Variants in NOPCHAP1 observed in about 807,000 individuals in gnomAD.
NOPCHAP1 encodes the protein NOP protein chaperone 1, also known as DNA damage-sensitive RNA 1.
In NOPCHAP1, 13 loss-of-function variants were observed where a neutral mutation model predicts 14.0. The observed-to-expected ratio is 0.93, with a 90% CI of 0.60 to 1.47. The LOEUF (loss-of-function observed/expected upper bound fraction) is 1.47. NOPCHAP1 is among the 40% of genes most tolerant of loss of function. The pLI, the probability that NOPCHAP1 is intolerant of heterozygous loss-of-function variation, is 0.00. For synonymous variants in NOPCHAP1, 78 were observed against 78.4 expected, an observed-to-expected ratio of 1.00 and a Z score of 0.03; for missense variants, 230 against 226.9, an observed-to-expected ratio of 1.01 and a Z score of -0.09.
At position 105,016,672 on chromosome 12, in the gene NOPCHAP1, A is replaced by T. The variant is rs1240921817; in HGVS notation, c.*21976A>T. ...ATCAGACCTGGTGAGACTTATTCAC[A>T]TGAGAACAGCATAGGAAAGACCCGC... On this transcript the variant is annotated 3_prime_UTR_variant, in exon 4 of 4. Transcript: ENST00000552951. 6.6e-6 allele frequency: 1 copy of T among 152,170 alleles called. No homozygotes were observed. 9.4% of individuals were successfully genotyped at this position (152,170 alleles called of 1,614,324 possible). A position where few individuals can be genotyped will look rare whatever the true frequency, so the allele number is the denominator to read the frequency against.
rs1446940416 is a variant in NOPCHAP1, at chr12:104,997,184, A to G, written c.*2488A>G. The stretch of plus-strand genomic sequence containing the variant: ...TGTGTGGTTGCTTTATAGTGTTACT[A>G]ATCTACCTACTTAAGTGTGTTTTTG... On this transcript the variant is annotated 3_prime_UTR_variant, in exon 4 of 4. Coordinates refer to ENST00000552951, the MANE Select transcript of NOPCHAP1 (RefSeq NM_152318.3). 6.6e-6 allele frequency: 1 copy of G among 152,214 alleles called. No individual in the cohort carries two copies. Among genetic ancestry groups the G allele is most frequent in the African/African-American group, 2.4e-5 (1 of 41,456 alleles). 9.4% of individuals were successfully genotyped at this position (152,214 alleles called of 1,614,324 possible).
Position 104,991,757 on chromosome 12 carries a change from A to G in NOPCHAP1, c.248A>G (p.Asn83Ser), listed in dbSNP as rs145611751. Residue 83 changes from asparagine (N) to serine (S), a missense_variant, in exon 3 of 4, where the codon AAT (asparagine) becomes AGT (serine). Physicochemically the swap from Asn to Ser is conservative, Grantham distance 46 (BLOSUM62 1). Transcript: ENST00000552951. ...TTTCTCCCACAGATGGCACGGGCAA[A>G]TGAAAAGCTAAGAAAAGAAATGGCA... The part of the protein sequence containing the change: ...QTFLPQMARA[N>S]EKLRKEMAAA... The G allele has an allele frequency of 2.0e-4, 316 of 1,613,916 alleles. No individual in the cohort carries two copies. In the East Asian group the frequency reaches 5.5e-3, roughly 28 times the overall value.
In NOPCHAP1 at chr12:105,008,313, C is replaced by T. The variant is rs11495192; in HGVS notation, c.*13617C>T. On this transcript the variant is annotated 3_prime_UTR_variant, in exon 4 of 4. Coordinates refer to ENST00000552951, the MANE Select transcript of NOPCHAP1 (RefSeq NM_152318.3). ...TTGAGAAGTGTCTGTTCGTATCCTT[C>T]GCCCACTTTTTGATGGGGTTGTTTT... 0.063 allele frequency: 9,539 copies of T among 152,202 alleles called. 397 individuals are homozygous for T. Among genetic ancestry groups the T allele is most frequent in the Middle Eastern group, 0.13 (38 of 294 alleles). 9.4% of individuals were successfully genotyped at this position (152,202 alleles called of 1,614,324 possible).
rs776014941 is a variant in NOPCHAP1, at chr12:105,015,367, T to C, written c.*20671T>C. On this transcript the variant is annotated 3_prime_UTR_variant, in exon 4 of 4. Transcript: ENST00000552951. ...GCATGGAATAATGATAATAAATGGA[T>C]TAAATGGATGCATGAAGGTATACAG... 6.6e-6 allele frequency: 1 copy of C among 152,176 alleles called. No individual in the cohort carries two copies. The highest frequency in any genetic ancestry group is 1.5e-5 in the Non-Finnish European group (1 of 68,034). 9.4% of individuals were successfully genotyped at this position (152,176 alleles called of 1,614,324 possible).
chr12:104,986,490 A>T, intron 1 of NOPCHAP1, 23 bp downstream of exon 1: 1 of 1,573,370 alleles, frequency 6.4e-7, no homozygotes, highest in Non-Finnish European at 8.6e-7. Context: ...TGACGGCGGC[A>T]TGGGCCGCAC....
At position 104,994,853 on chromosome 12, in the gene NOPCHAP1, A is replaced by G. The variant is rs554325188; in HGVS notation, c.*157A>G. On this transcript the variant is annotated 3_prime_UTR_variant, in exon 4 of 4. Coordinates refer to ENST00000552951, the MANE Select transcript of NOPCHAP1 (RefSeq NM_152318.3). ...AAATTTGACAGAGTTTCTTTGGGCA[A>G]AGAATGATTAATGAGTTAGGTAGCA... 4 of 662,828 alleles carry G rather than the reference A, an allele frequency of 6.0e-6. No homozygotes were observed. In the African/African-American group the frequency reaches 7.3e-5, roughly 12 times the overall value. 41.1% of individuals were successfully genotyped at this position (662,828 alleles called of 1,614,324 possible).
Position 105,002,973 on chromosome 12 carries a change from A to G in NOPCHAP1, c.*8277A>G, listed in dbSNP as rs1366359382. The G allele has an allele frequency of 6.6e-6, 1 of 152,234 alleles. No individual in the cohort carries two copies. Among genetic ancestry groups the G allele is most frequent in the Non-Finnish European group, 1.5e-5 (1 of 68,044 alleles). 9.4% of individuals were successfully genotyped at this position (152,234 alleles called of 1,614,324 possible). ...GAAAGAGTAGTTGAGCAAAAAGGTT[A>G]TTAGACTCAGAGTATTGAGGTAAAG... On this transcript the variant is annotated 3_prime_UTR_variant, in exon 4 of 4. Transcript: ENST00000552951.
In NOPCHAP1 at chr12:105,016,678, A is replaced by G. The variant is rs576771165; in HGVS notation, c.*21982A>G. 6.6e-6 allele frequency: 1 copy of G among 152,298 alleles called. No individual in the cohort carries two copies. Among genetic ancestry groups the G allele is most frequent in the African/African-American group, 2.4e-5 (1 of 41,558 alleles). The allele number at this position is 152,298 out of a possible 1,614,324, so 9.4% of individuals were successfully genotyped here. A position where few individuals can be genotyped will look rare whatever the true frequency, so the allele number is the denominator to read the frequency against. ...CCTGGTGAGACTTATTCACATGAGA[A>G]CAGCATAGGAAAGACCCGCCCCGAT... On this transcript the variant is annotated 3_prime_UTR_variant, in exon 4 of 4. Transcript: ENST00000552951.
At position 104,991,745 on chromosome 12, in the gene NOPCHAP1, T is replaced by C. The variant is rs773217138; in HGVS notation, c.236T>C (p.Met79Thr). ...CAGGTACAGACATTTCTCCCACAGA[T>C]GGCACGGGCAAATGAAAAGCTAAGA... ...LDQVQTFLPQ[M>T]ARANEKLRKE... The change falls in exon 3 of 4, where the codon ATG becomes ACG. Residue 79 changes from methionine to threonine, a missense_variant. Physicochemically the swap from Met to Thr is moderately conservative, Grantham distance 81. Coordinates refer to ENST00000552951, the MANE Select transcript of NOPCHAP1 (RefSeq NM_152318.3). 3.1e-5 allele frequency: 50 copies of C among 1,613,610 alleles called. No homozygotes were observed. Among genetic ancestry groups the C allele is most frequent in the Admixed American group, 1.7e-4 (10 of 59,848 alleles).
chr12:105,010,209 A>G lies in NOPCHAP1; in HGVS notation c.*15513A>G, dbSNP rs1411021130. ...TAATCTTGGGAGAGTGTATGTGTCC[A>G]GGAATTTATCCATTTCTTCTAGATT... On this transcript the variant is annotated 3_prime_UTR_variant, in exon 4 of 4. Transcript: ENST00000552951. The G allele has an allele frequency of 1.3e-5, 2 of 152,208 alleles. No homozygotes were observed. 9.4% of individuals were successfully genotyped at this position (152,208 alleles called of 1,614,324 possible).
rs151164473 is a variant in NOPCHAP1 at position 105,013,251 on chromosome 12, G to C, written c.*18555G>C. 115 of 152,358 alleles carry C rather than the reference G, an allele frequency of 7.5e-4. 2 individuals are homozygous for C. In the East Asian group the frequency reaches 0.021, roughly 28 times the overall value. The allele number at this position is 152,358 out of a possible 1,614,324, so 9.4% of individuals were successfully genotyped here. ...CACTGTGGTGGGCTCTGCCCAATTT[G>C]AATTTCCCTGTGGCTTTATTTACAC... is the stretch of plus-strand genomic sequence containing the variant. On this transcript the variant is annotated 3_prime_UTR_variant, in exon 4 of 4. Transcript: ENST00000552951.
Position 104,999,973 on chromosome 12 carries a change from T to A in NOPCHAP1, c.*5277T>A, listed in dbSNP as rs1227443346. 6.6e-6 allele frequency: 1 copy of A among 152,230 alleles called. No individual in the cohort carries two copies. The highest frequency in any genetic ancestry group is 1.9e-4 in the East Asian group (1 of 5,200). The allele number at this position is 152,230 out of a possible 1,614,324, so 9.4% of individuals were successfully genotyped here. ...CACCAGTCTTCCTGATATCCCAGTC[T>A]CTTGGTGGCAGATGTTCCTTCTGGC... On this transcript the variant is annotated 3_prime_UTR_variant, in exon 4 of 4. Transcript: ENST00000552951.
intron 2 of NOPCHAP1, among the ~76,000 whole-genome samples, chr12:104,988,490 G>A (rs1433413444): frequency 6.6e-6 from 1 of 152,184 alleles, no homozygotes; most frequent in African/African-American, 2.4e-5. Context: ...ATTTTGGGAA[G>A]TCAAAAACAA....
At position 105,015,993 on chromosome 12, in the gene NOPCHAP1, T is replaced by G. The variant is rs943235461; in HGVS notation, c.*21297T>G. The stretch of plus-strand genomic sequence containing the variant: ...GTAAAATAGTCAAGAAAGGTTTTTT[T>G]TTTTTTTTTTAAAAAGCATAACATC... On this transcript the variant is annotated 3_prime_UTR_variant, in exon 4 of 4. Coordinates refer to ENST00000552951, the MANE Select transcript of NOPCHAP1 (RefSeq NM_152318.3). 1.0e-4 allele frequency: 15 copies of G among 143,152 alleles called. No homozygotes were observed. The highest frequency in any genetic ancestry group is 1.9e-4 in the Non-Finnish European group (12 of 64,552). 8.9% of individuals were successfully genotyped at this position (143,152 alleles called of 1,614,324 possible).
rs1860726008 is a variant in NOPCHAP1 at position 104,995,324 on chromosome 12, T to G, written c.*628T>G. ...CATGTGTTCTGTTCCCTTGAGAAAT[T>G]TCTTTCATGCATATGGTGGCAGTGT... On this transcript the variant is annotated 3_prime_UTR_variant, in exon 4 of 4. Transcript: ENST00000552951. The G allele has an allele frequency of 6.6e-6, 1 of 152,322 alleles. No individual in the cohort carries two copies. The highest frequency in any genetic ancestry group is 1.5e-5 in the Non-Finnish European group (1 of 68,124). The allele number at this position is 152,322 out of a possible 1,614,324, so 9.4% of individuals were successfully genotyped here. A position where few individuals can be genotyped will look rare whatever the true frequency, so the allele number is the denominator to read the frequency against.
chr12:104,988,088 C>A (rs911243247), intron 1 of NOPCHAP1, 79 bp from the exon 2 acceptor site: 2 of 1,137,986 alleles, frequency 1.8e-6, no homozygotes, highest in South Asian at 2.7e-5. Context: ...TAAGACTGGT[C>A]ATGTGAGAGG....
rs1334318796 is a variant in NOPCHAP1, at chr12:105,007,627, G to C, written c.*12931G>C. 1 of 152,192 alleles carries C rather than the reference G, an allele frequency of 6.6e-6. No homozygotes were observed. Among genetic ancestry groups the C allele is most frequent in the Non-Finnish European group, 1.5e-5 (1 of 68,054 alleles). The allele number at this position is 152,192 out of a possible 1,614,324, so 9.4% of individuals were successfully genotyped here. A position where few individuals can be genotyped will look rare whatever the true frequency, so the allele number is the denominator to read the frequency against. Reference sequence around the variant, plus strand: ...CGCCATCAACTTGTCGTCTACATTAGGTATTCCTCCTAATACTATCCCTCC... The same window carrying C: ...CGCCATCAACTTGTCGTCTACATTACGTATTCCTCCTAATACTATCCCTCC... On this transcript the variant is annotated 3_prime_UTR_variant, in exon 4 of 4. Transcript: ENST00000552951.
At position 105,014,762 on chromosome 12, in the gene NOPCHAP1, A is replaced by C. The variant is rs1873912478; in HGVS notation, c.*20066A>C. ...AACCTATCAAATGTAGAAAATAGGG[A>C]CATCACAGCAAAATTTGGAGGGCAT... On this transcript the variant is annotated 3_prime_UTR_variant, in exon 4 of 4. Coordinates refer to ENST00000552951, the MANE Select transcript of NOPCHAP1 (RefSeq NM_152318.3). 1 of 152,134 alleles carries C rather than the reference A, an allele frequency of 6.6e-6. No homozygotes were observed. The highest frequency in any genetic ancestry group is 2.4e-5 in the African/African-American group (1 of 41,430). The allele number at this position is 152,134 out of a possible 1,614,324, so 9.4% of individuals were successfully genotyped here. A position where few individuals can be genotyped will look rare whatever the true frequency, so the allele number is the denominator to read the frequency against.
At chr12:104,991,606 A>G in intron 2 of NOPCHAP1, 106 bp from the exon 3 acceptor site, 1 of 1,175,764 alleles carries the variant, frequency 8.5e-7, no homozygotes, top group Non-Finnish European at 1.2e-6. Flanking sequence ...AAGATATGTA[A>G]TTATGGTTGT....
Sources: gnomAD v4.1 joint callset for allele counts (sites outside exome capture counted in the v4.1 genomes callset) on GRCh38, gnomAD v4.1.1 for gene constraint, MANE v1.5 for transcripts, NCBI Gene and HGNC (gene_info 2026-07-23, HGNC 2026-07-21) for gene names.